The following LMOD1 variants were observed in gnomAD, a reference collection of about 807,000 sequenced individuals.
LMOD1 encodes the protein leiomodin-1.
A neutral mutation model predicts 36.5 loss-of-function variants in LMOD1; 8 were observed. The ratio of observed to expected loss-of-function variants is 0.22; its 90% confidence interval spans 0.13 to 0.40. LMOD1 has a LOEUF of 0.40. Ranked by LOEUF, LMOD1 falls within the 10% of genes least tolerant of loss-of-function variation. The probability of loss-of-function intolerance (pLI) is 1.00; values close to 1 mark genes in which losing one functional copy is unlikely to be tolerated. For synonymous variants in LMOD1, 284 were observed against 288.7 expected (o/e 0.98, Z 0.17); for missense variants, 630 against 751.1 (o/e 0.84, Z 1.88).
intron 1 of LMOD1, among the ~76,000 whole-genome samples, chr1:201,940,671 C>T (rs1490733645): frequency 2.0e-5 from 3 of 151,192 alleles, no homozygotes; most frequent in East Asian, 2.0e-4. Flanking sequence ...CTGCAACCTC[C>T]GCCTCCCGGG....
intron 1 of LMOD1, among the ~76,000 whole-genome samples, chr1:201,902,666 C>T (rs964468181): frequency 4.5e-4 from 68 of 151,922 alleles, no homozygotes; most frequent in African/African-American, 1.6e-3. Flanking sequence ...AGGCTGGTCT[C>T]GAACTCCTGA....
chr1:201,917,756 T>C (rs2644127), intron 1 of LMOD1, among the ~76,000 whole-genome samples: 2,518 of 152,354 alleles, frequency 0.017, 45 homozygotes, highest in Non-Finnish European at 0.026. Flanking sequence ...GTTGTAAAGA[T>C]CTACACAAAT....
At position 201,899,024 on chromosome 1, in the gene LMOD1, G is replaced by A. The variant is rs1681241560; in HGVS notation, c.1776+213C>T. Reference sequence around the variant, plus strand: ...TATTAAAGGAAGCTCCTTAAAGGAAGGGTAGAGTCTCAGCTCTAGGGGATA... The same window carrying A: ...TATTAAAGGAAGCTCCTTAAAGGAAAGGTAGAGTCTCAGCTCTAGGGGATA... On this transcript the variant is annotated intron_variant, in intron 2 of 2. Transcript: ENST00000367288. This position sits in a 1 kb window ranked among gnomAD's most constrained non-coding sequence, Gnocchi z 6.3. The A allele has an allele frequency of 8.4e-6, 4 of 476,834 alleles. No individual in the cohort carries two copies. Among genetic ancestry groups the A allele is most frequent in the Non-Finnish European group, 1.5e-5 (4 of 272,578 alleles). The allele number at this position is 476,834 out of a possible 1,614,324, so 29.5% of individuals were successfully genotyped here. A position where few individuals can be genotyped will look rare whatever the true frequency, so the allele number is the denominator to read the frequency against.
At chr1:201,916,399 A>G (rs1385914950) in intron 1 of LMOD1, among the ~76,000 whole-genome samples, 1 of 151,994 alleles carries the variant, frequency 6.6e-6, no homozygotes, top group Non-Finnish European at 1.5e-5. Context: ...TTGTAGCCCT[A>G]GCTACCTGGG....
intron 1 of LMOD1, among the ~76,000 whole-genome samples, chr1:201,911,942 C>T (rs1184148979): frequency 6.6e-6 from 1 of 152,164 alleles, no homozygotes; most frequent in Non-Finnish European, 1.5e-5. Flanking sequence ...CTACAGGGAG[C>T]CTGGGGCACA....
rs1307076744 is a variant in LMOD1, at chr1:201,899,523, T to G, written c.1490A>C (p.Glu497Ala). The G allele has an allele frequency of 2.7e-5, 43 of 1,613,946 alleles. No individual in the cohort carries two copies. Among genetic ancestry groups the G allele is most frequent in the Non-Finnish European group, 3.5e-5 (41 of 1,179,862 alleles). The change falls in exon 2 of 3, where the codon GAG becomes GCG. Residue 497 changes from glutamate (E) to alanine (A), a missense_variant. Glu to Ala is a moderately radical substitution (Grantham distance 107). Around this residue, in one of 3 missense-constraint regions of LMOD1, gnomAD observed 144 missense variants for 169.8 expected, o/e 0.85. Transcript: ENST00000367288. This position sits in a 1 kb window ranked among gnomAD's most constrained non-coding sequence, Gnocchi z 6.3. ...AGCCACGGCCCCGGCCTTGGGTACC[T>G]CCAGCAGATCCTTCTTCTCTCCCTT... ...EAKGEKKDLL[E>A]VPKAGAVAKG...
chr1:201,898,520 G>C, intron 2 of LMOD1, 122 bp from the exon 3 acceptor site: 2 of 757,740 alleles, frequency 2.6e-6, no homozygotes, highest in Non-Finnish European at 4.1e-6. Context: ...ATGAGGTGTT[G>C]ACACTGAGGG....
chr1:201,916,908 T>A (rs1282542069), intron 1 of LMOD1, among the ~76,000 whole-genome samples: 1 of 152,048 alleles, frequency 6.6e-6, no homozygotes, highest in Non-Finnish European at 1.5e-5. Context: ...CCCAAGATGA[T>A]CTCCAGGGGT....
chr1:201,900,373 C>T lies in LMOD1; in HGVS notation c.640G>A (p.Val214Met), dbSNP rs1264157450. 2.6e-6 allele frequency: 4 copies of T among 1,557,008 alleles called. No individual in the cohort carries two copies. Among genetic ancestry groups the T allele is most frequent in the Admixed American group, 1.9e-5 (1 of 51,408 alleles). Reference sequence around the variant, plus strand: ...TTCTCATCATCCTCTTTCTTGGCCACCTCCTTCATCTCCTCTCTCTTTTTA... The same window carrying T: ...TTCTCATCATCCTCTTTCTTGGCCATCTCCTTCATCTCCTCTCTCTTTTTA... The part of the protein sequence containing the change: ...KDKKREEMKE[V>M]AKKEDDEKVK... Residue 214 changes from valine (V) to methionine (M), a missense_variant, in exon 2 of 3, where the codon GTG becomes ATG. By Grantham distance (21) the Val-to-Met change is conservative. Coordinates refer to ENST00000367288, the MANE Select transcript of LMOD1 (RefSeq NM_012134.3).
rs775405312 is a variant in LMOD1 at position 201,900,266 on chromosome 1, T to A, written c.747A>T (p.Lys249Asn). ...CTCTTTTTACCTTCTCATCCTCCTT[T>A]TTCATGTCTGTGTTCCCACCTGCTC... ...MKRAGGNTDM[K>N]KEDEKVKRGT... Residue 249 changes from lysine (K) to asparagine (N), a missense_variant, in exon 2 of 3, where the codon AAA becomes AAT. By Grantham distance (94) the Lys-to-Asn change is moderately conservative. Coordinates refer to ENST00000367288, the MANE Select transcript of LMOD1 (RefSeq NM_012134.3). The A allele has an allele frequency of 3.1e-6, 5 of 1,613,456 alleles. No individual in the cohort carries two copies. Among genetic ancestry groups the A allele is most frequent in the East Asian group, 2.2e-5 (1 of 44,882 alleles).
intron 1 of LMOD1, among the ~76,000 whole-genome samples, chr1:201,931,783 T>C (rs1681927414): frequency 6.6e-6 from 1 of 151,688 alleles, no homozygotes; most frequent in African/African-American, 2.4e-5. Flanking sequence ...ATGCCTGTAA[T>C]CCCAGCACTT....
At chr1:201,935,340 C>T (rs1216378778) in intron 1 of LMOD1, among the ~76,000 whole-genome samples, 1 of 142,970 alleles carries the variant, frequency 7.0e-6, no homozygotes. Context: ...TTTTTTGAGA[C>T]AAGATCTGGA....
intron 1 of LMOD1, among the ~76,000 whole-genome samples, chr1:201,941,772 C>T (rs1358232184): frequency 3.9e-5 from 6 of 152,174 alleles, no homozygotes; most frequent in Non-Finnish European, 7.3e-5. Flanking sequence ...TAGGTTGCTT[C>T]GGGTTTGCTT....
chr1:201,899,316 A>C lies in LMOD1; in HGVS notation c.1697T>G (p.Val566Gly). The change falls in exon 2 of 3, where the codon GTC becomes GGC. Residue 566 changes from valine (V) to glycine (G), a missense_variant. By Grantham distance (109) the Val-to-Gly change is moderately radical. Coordinates refer to ENST00000367288, the MANE Select transcript of LMOD1 (RefSeq NM_012134.3). The surrounding 1 kb of genome is among the most constrained non-coding windows in gnomAD (Gnocchi z 6.3). ...GGAGTTCTTCTCCTGGGCAGGGAGG[A>C]CTTTGTCTCCCATCTTCCTCTGGGT... is the stretch of plus-strand genomic sequence containing the variant. ...PATQRKMGDK[V>G]LPAQEKNSRD... 1.2e-6 allele frequency: 2 copies of C among 1,610,020 alleles called. No homozygotes were observed. Among genetic ancestry groups the C allele is most frequent in the Non-Finnish European group, 8.5e-7 (1 of 1,178,366 alleles).
At chr1:201,915,899 G>A (rs1284532755) in intron 1 of LMOD1, among the ~76,000 whole-genome samples, 2 of 151,978 alleles carry the variant, frequency 1.3e-5, no homozygotes, top group Non-Finnish European at 2.9e-5. Context: ...AGACCCATCC[G>A]AAGCCTTTCA....
At chr1:201,935,541 T>TTTTA (rs1456613308) in intron 1 of LMOD1, among the ~76,000 whole-genome samples, 6 of 152,054 alleles carry the variant, frequency 3.9e-5, no homozygotes, top group Middle Eastern at 3.4e-3. Context: ...AGCACTTTAG[T>TTTTA]TTTATTTATT....
intron 1 of LMOD1, among the ~76,000 whole-genome samples, chr1:201,936,096 CAA>C (rs61077548): frequency 6.2e-3 from 455 of 73,074 alleles, no homozygotes; most frequent in African/African-American, 0.016. Context: ...GACCTTGTCT[CAA>C]AAAAAAAAAA....
chr1:201,901,802 C>T (rs1424529710), intron 1 of LMOD1, among the ~76,000 whole-genome samples: 2 of 147,106 alleles, frequency 1.4e-5, no homozygotes, highest in African/African-American at 5.0e-5. Context: ...TTAGTCCTGG[C>T]CCCTGCTTTT....
At chr1:201,930,898 A>G (rs987116880) in intron 1 of LMOD1, among the ~76,000 whole-genome samples, 1 of 152,230 alleles carries the variant, frequency 6.6e-6, no homozygotes, top group African/African-American at 2.4e-5. Flanking sequence ...CAGAGTGGTT[A>G]AATTCCACAA....
Sources: gnomAD v4.1 joint callset for allele counts (sites outside exome capture counted in the v4.1 genomes callset) on GRCh38, gnomAD v4.1.1 for gene constraint, gnomAD v4.1.1 regional missense constraint, Gnocchi (gnomAD v3.1) non-coding constraint, MANE v1.5 for transcripts, NCBI Gene and HGNC (gene_info 2026-07-23, HGNC 2026-07-21) for gene names.